The following SALL4 variants were observed in gnomAD, a reference collection of about 807,000 sequenced individuals.
The protein encoded by SALL4 is spalt like transcription factor 4.
SALL4 carries 4 observed loss-of-function variants against 60.8 expected under a neutral mutation model. The ratio of observed to expected loss-of-function variants is 0.07; its 90% CI spans 0.03 to 0.15. The LOEUF (loss-of-function observed/expected upper bound fraction) is 0.15, where lower values mean the gene tolerates loss of function less well. Ranked by LOEUF, SALL4 falls within the 10% of genes least tolerant of loss-of-function variation. SALL4 has a pLI of 1.00. For missense variants in SALL4, 1,178 were observed against 1,394.7 expected, an observed-to-expected ratio of 0.84 and a Z score of 2.48; for synonymous variants, 580 against 574.9, an observed-to-expected ratio of 1.01 and a Z score of -0.13.
chr20:51,784,074 C>A lies in SALL4; in HGVS notation c.*191G>T. ...ATGCATTTTTTTTTTATTTTTTCAA[C>A]TTTTTGCAAAGCAGCATAGCAACAA... On this transcript the variant is annotated 3_prime_UTR_variant, in exon 4 of 4. Coordinates refer to ENST00000217086, the MANE Select transcript of SALL4 (RefSeq NM_020436.5). 3.1e-6 allele frequency: 2 copies of A among 642,810 alleles called. No individual in the cohort carries two copies. Among genetic ancestry groups the A allele is most frequent in the Non-Finnish European group, 5.3e-6 (2 of 377,524 alleles). The allele number at this position is 642,810 out of a possible 1,614,324, so 39.8% of individuals were successfully genotyped here.
intron 3 of SALL4, among the ~76,000 whole-genome samples, chr20:51,785,255 C>A (rs6067935): frequency 0.083 from 12,555 of 152,006 alleles, 900 homozygotes; most frequent in African/African-American, 0.19. Context: ...GAGCCAAGAT[C>A]ATGCCACTGC....
chr20:51,792,845 G>A, intron 1 of SALL4: 1 of 1,030,826 alleles, frequency 9.7e-7, no homozygotes, highest in South Asian at 3.7e-5. Flanking sequence ...CATGATGCCT[G>A]GAAGTCTCTC....
intron 2 of SALL4, among the ~76,000 whole-genome samples, chr20:51,789,704 C>T (rs1156729753): frequency 2.0e-5 from 3 of 151,772 alleles, no homozygotes; most frequent in Non-Finnish European, 2.9e-5. Context: ...TGTGGAGAAA[C>T]AAAAAGAAAA....
Position 51,802,518 on chromosome 20 carries a change from A to T in SALL4, c.-110T>A, listed in dbSNP as rs1204471059. ...TCGGCCGGAACGCGCATGTCCCAGTAATTATTATTATCAATAATGCATTGC... is the reference window on the plus strand; with the variant it reads ...TCGGCCGGAACGCGCATGTCCCAGTTATTATTATTATCAATAATGCATTGC... On this transcript the variant is annotated 5_prime_UTR_variant, in exon 1 of 4. Coordinates refer to ENST00000217086, the MANE Select transcript of SALL4 (RefSeq NM_020436.5). 2.1e-5 allele frequency: 32 copies of T among 1,516,232 alleles called. No individual in the cohort carries two copies. Among genetic ancestry groups the T allele is most frequent in the Non-Finnish European group, 2.8e-5 (31 of 1,114,432 alleles). The allele number at this position is 1,516,232 out of a possible 1,614,324, so 93.9% of individuals were successfully genotyped here.
chr20:51,802,297 G>T lies in SALL4; in HGVS notation c.112C>A (p.Pro38Thr). 6.2e-7 allele frequency: 1 copy of T among 1,606,842 alleles called. No homozygotes were observed. Among genetic ancestry groups the T allele is most frequent in the Non-Finnish European group, 8.5e-7 (1 of 1,177,814 alleles). The change falls in exon 1 of 4, where the codon CCC (proline) becomes ACC (threonine). Residue 38 changes from proline to threonine, a missense_variant. Physicochemically the swap from Pro to Thr is conservative, Grantham distance 38. Transcript: ENST00000217086. The stretch of plus-strand genomic sequence containing the variant: ...CACTCACCCAGCTCCCCCGCCGCGG[G>T]CGCCGCTGGGGCCGCATCTGCAAAC... The part of the protein sequence containing the change: ...PEFADAAPAA[P>T]AAGELGAPVN...
chr20:51,785,166 T>C (rs1268161167), intron 3 of SALL4, among the ~76,000 whole-genome samples: 3 of 152,074 alleles, frequency 2.0e-5, no homozygotes. Context: ...CCAGGCATGG[T>C]GGCACATGCC....
Position 51,801,919 on chromosome 20 carries a change from A to AGG in SALL4, c.130+358_130+359dup, listed in dbSNP as rs11469206. Among the ~76,000 whole-genome samples the AGG allele has an allele frequency of 1.6e-3, 169 of 105,396 alleles. No individual in the cohort carries two copies. The highest frequency in any genetic ancestry group is 2.6e-3 in the East Asian group (10 of 3,832). The allele number at this position is 105,396 out of a possible 152,430, so 69.1% of individuals were successfully genotyped here. A position where few individuals can be genotyped will look rare whatever the true frequency, so the allele number is the denominator to read the frequency against. On this transcript the variant is annotated intron_variant, in intron 1 of 3. Transcript: ENST00000217086. The surrounding 1 kb of genome is among the most constrained non-coding windows in gnomAD (Gnocchi z 5.2). ...GCGAGGGAGGGGGACCTAAGTTACA[A>AGG]GGGGGGGGGGTAACACCAGTGAGGG...
intron 1 of SALL4, among the ~76,000 whole-genome samples, chr20:51,793,535 T>C (rs1219375523): frequency 6.6e-6 from 1 of 152,148 alleles, no homozygotes; most frequent in Non-Finnish European, 1.5e-5. Flanking sequence ...TGGCTCACTG[T>C]AACCTCCGCC....
chr20:51,791,453 A>G lies in SALL4; in HGVS notation c.1030T>C (p.Phe344Leu). Reference sequence around the variant, plus strand: ...GCCACAGTGGAGAAAGGGCTCTGGAAGAGCACCGAGCCCGGGGCCTGAGGA... The same window carrying G: ...GCCACAGTGGAGAAAGGGCTCTGGAGGAGCACCGAGCCCGGGGCCTGAGGA... ...LLPQAPGSVL[F>L]QSPFSTVALD... The change falls in exon 2 of 4, where the codon TTC becomes CTC. Residue 344 changes from phenylalanine (F) to leucine (L), a missense_variant. By Grantham distance (22) the Phe-to-Leu change is conservative. Around this residue, in one of 5 missense-constraint regions of SALL4, gnomAD observed 853 missense variants for 1,036.8 expected, o/e 0.82. Transcript: ENST00000217086. The surrounding 1 kb of genome is among the most constrained non-coding windows in gnomAD (Gnocchi z 4.6). 1 of 1,614,182 alleles carries G rather than the reference A, an allele frequency of 6.2e-7. No homozygotes were observed. The highest frequency in any genetic ancestry group is 8.5e-7 in the Non-Finnish European group (1 of 1,180,022).
rs2078071899 is a variant in SALL4 at position 51,795,151 on chromosome 20, G to A, written c.131-2799C>T. Among the ~76,000 whole-genome samples the A allele has an allele frequency of 2.0e-5, 3 of 152,160 alleles. No individual in the cohort carries two copies. The South Asian group carries it at 6.2e-4, about 31-fold the overall frequency. On this transcript the variant is annotated intron_variant, in intron 1 of 3. Transcript: ENST00000217086. The stretch of plus-strand genomic sequence containing the variant: ...TGCTGCGAATCTGCCTCACTTCAGT[G>A]ATCCAGATAAAAATGTTCGGCCGGG...
rs377245709 is a variant in SALL4 at position 51,802,451 on chromosome 20, C to G, written c.-43G>C. The G allele has an allele frequency of 1.2e-6, 2 of 1,611,850 alleles. No homozygotes were observed. The highest frequency in any genetic ancestry group is 1.7e-5 in the Admixed American group (1 of 59,876). On this transcript the variant is annotated 5_prime_UTR_variant, in exon 1 of 4. Transcript: ENST00000217086. ...GCCGGGAGAGCCGCAGTTATTTGCC[C>G]TCTCCGCCACAAATTCCTGGAGTTG...
intron 1 of SALL4, among the ~76,000 whole-genome samples, 198 bp from the exon 2 acceptor site, chr20:51,792,550 A>T (rs2078054163): frequency 6.6e-6 from 1 of 151,920 alleles, no homozygotes; most frequent in Non-Finnish European, 1.5e-5. Context: ...TTAGCTGGGC[A>T]TGGTGGTGGG....
rs754932119 is a variant in SALL4 at position 51,789,138 on chromosome 20, C to T, written c.2465G>A (p.Arg822Gln). ...SENSRTEMEG[R>Q]SSLPSTFIRA... ...GATAAACGTGGAAGGGAGACTGCTC[C>T]GACCTAGTACACAGAGGGGAAAAAA... is the stretch of plus-strand genomic sequence containing the variant. The change falls in exon 3 of 4, where the codon CGG (arginine) becomes CAG (glutamine). Residue 822 changes from arginine to glutamine, a missense_variant. Around this residue, in one of 5 missense-constraint regions of SALL4, gnomAD observed 853 missense variants for 1,036.8 expected, o/e 0.82. Coordinates refer to ENST00000217086, the MANE Select transcript of SALL4 (RefSeq NM_020436.5). 18 of 1,613,828 alleles carry T rather than the reference C, an allele frequency of 1.1e-5. No individual in the cohort carries two copies. The South Asian group carries it at 1.5e-4, about 14-fold the overall frequency.
At chr20:51,799,176 T>A (rs1420156322) in intron 1 of SALL4, among the ~76,000 whole-genome samples, 1 of 152,156 alleles carries the variant, frequency 6.6e-6, no homozygotes, top group Non-Finnish European at 1.5e-5. Flanking sequence ...TGAACAAAAT[T>A]AAGACTGATC....
In SALL4 at chr20:51,784,245, C is replaced by A; in HGVS notation, c.*20G>T. On this transcript the variant is annotated 3_prime_UTR_variant, in exon 4 of 4. Coordinates refer to ENST00000217086, the MANE Select transcript of SALL4 (RefSeq NM_020436.5). Reference sequence around the variant, plus strand: ...GAGATTTCACTGTGTCTGCATTGCTCCTTCCACGCAAGTTCTCCCTTAGCT... The same window carrying A: ...GAGATTTCACTGTGTCTGCATTGCTACTTCCACGCAAGTTCTCCCTTAGCT... The A allele has an allele frequency of 6.2e-7, 1 of 1,612,828 alleles. No individual in the cohort carries two copies. The highest frequency in any genetic ancestry group is 2.2e-5 in the East Asian group (1 of 44,880).
Position 51,791,663 on chromosome 20 carries a change from A to G in SALL4, c.820T>C (p.Leu274=). Residue 274 remains leucine, a synonymous_variant, in exon 2 of 4, where the codon TTG becomes CTG. Coordinates refer to ENST00000217086, the MANE Select transcript of SALL4 (RefSeq NM_020436.5). The surrounding 1 kb of genome is among the most constrained non-coding windows in gnomAD (Gnocchi z 4.6). Reference sequence around the variant, plus strand: ...TGGCTTCCAGCTTTCTGGCTGAGCAAAGCCACAGCTGCAGAAACCTGCTGA... The same window carrying G: ...TGGCTTCCAGCTTTCTGGCTGAGCAGAGCCACAGCTGCAGAAACCTGCTGA... ...MSQQVSAAVA[L]LSQKAGSQGL... is the part of the protein sequence containing the mutation. 6.2e-7 allele frequency: 1 copy of G among 1,614,136 alleles called. No individual in the cohort carries two copies. The highest frequency in any genetic ancestry group is 8.5e-7 in the Non-Finnish European group (1 of 1,180,030).
intron 1 of SALL4, among the ~76,000 whole-genome samples, chr20:51,799,491 G>A (rs2078097604): frequency 6.6e-6 from 1 of 152,208 alleles, no homozygotes; most frequent in African/African-American, 2.4e-5. Flanking sequence ...CTCACTAACA[G>A]CAGCACGAAT....
At position 51,790,071 on chromosome 20, in the gene SALL4, A is replaced by G; in HGVS notation, c.2412T>C (p.Asp804=). The change falls in exon 2 of 4, where the codon GAT becomes GAC. Residue 804 remains aspartate (D), a synonymous_variant. Transcript: ENST00000217086. This position sits in a 1 kb window ranked among gnomAD's most constrained non-coding sequence, Gnocchi z 5.5. Reference sequence around the variant, plus strand: ...CGGAGCTCTCTGCTTTGCTCCCAGCATCGGGAGACTTTGACTTGATGCTTT... The same window carrying G: ...CGGAGCTCTCTGCTTTGCTCCCAGCGTCGGGAGACTTTGACTTGATGCTTT... ...QAESIKSKSP[D]AGSKAESSEN... is the part of the protein sequence containing the mutation. 2 of 1,614,186 alleles carry G rather than the reference A, an allele frequency of 1.2e-6. No individual in the cohort carries two copies. Among genetic ancestry groups the G allele is most frequent in the Non-Finnish European group, 1.7e-6 (2 of 1,180,034 alleles).
At chr20:51,802,147 G>T in intron 1 of SALL4, 132 bp downstream of exon 1, 1 of 1,083,882 alleles carries the variant, frequency 9.2e-7, no homozygotes, top group Non-Finnish European at 1.3e-6. Flanking sequence ...CTCCTCCCGG[G>T]CACTGAGCCC....
Sources: gnomAD v4.1 joint callset for allele counts (sites outside exome capture counted in the v4.1 genomes callset) on GRCh38, gnomAD v4.1.1 for gene constraint, gnomAD v4.1.1 regional missense constraint, Gnocchi (gnomAD v3.1) non-coding constraint, MANE v1.5 for transcripts, NCBI Gene and HGNC (gene_info 2026-07-23, HGNC 2026-07-21) for gene names.